Variants in SLC38A6 observed in about 807,000 individuals in gnomAD.
The protein encoded by SLC38A6 is solute carrier family 38 member 6, also known as N system amino acid transporter NAT-1.
In SLC38A6, 73 loss-of-function variants were observed where a neutral mutation model predicts 65.0. The ratio of observed to expected loss-of-function variants is 1.12; its 90% confidence interval spans 0.93 to 1.37. The LOEUF is 1.37. Ranked by LOEUF, SLC38A6 falls within the 40% of genes most tolerant of loss-of-function variation. SLC38A6 has a pLI of 0.00. For synonymous variants in SLC38A6, 183 were observed against 178.8 expected, an observed-to-expected ratio of 1.02 and a Z score of -0.19; for missense variants, 561 against 531.1, an observed-to-expected ratio of 1.06 and a Z score of -0.55.
chr14:61,011,889 T>A (rs1011534773), intron 3 of SLC38A6, among the ~76,000 whole-genome samples: 1 of 152,236 alleles, frequency 6.6e-6, no homozygotes, highest in Non-Finnish European at 1.5e-5. Context: ...AGGATAATGC[T>A]GGCCTCATAC....
intron 3 of SLC38A6, among the ~76,000 whole-genome samples, 171 bp downstream of exon 3, chr14:60,984,974 G>A (rs1478240187): frequency 6.6e-6 from 1 of 152,090 alleles, no homozygotes; most frequent in Non-Finnish European, 1.5e-5. Context: ...CAATACTGTG[G>A]GGGAATATCC....
intron 15 of SLC38A6, among the ~76,000 whole-genome samples, chr14:61,064,876 G>C (rs1222554941): frequency 1.3e-5 from 2 of 152,050 alleles, no homozygotes; most frequent in Non-Finnish European, 2.9e-5. Context: ...CGTATGTTGA[G>C]GGTGAATGTT....
chr14:61,077,661 C>A (rs1306417342), intron 15 of SLC38A6, among the ~76,000 whole-genome samples: 2 of 152,016 alleles, frequency 1.3e-5, no homozygotes, highest in African/African-American at 2.4e-5. Context: ...CAAATAAATT[C>A]TTTGCTTTCA....
intron 15 of SLC38A6, among the ~76,000 whole-genome samples, chr14:61,073,244 A>G (rs547257964): frequency 1.1e-4 from 16 of 152,294 alleles, no homozygotes; most frequent in East Asian, 5.8e-4. Context: ...ATTTTTTCCA[A>G]TGGAGTTGTT....
intron 3 of SLC38A6, chr14:60,987,164 T>C (rs1354440828): frequency 3.6e-6 from 1 of 281,646 alleles, no homozygotes; most frequent in South Asian, 3.2e-5. Flanking sequence ...GGAGGTAGGC[T>C]TTTCCTTTTT....
chr14:61,077,258 C>G (rs970237687), intron 15 of SLC38A6, among the ~76,000 whole-genome samples: 2 of 152,140 alleles, frequency 1.3e-5, no homozygotes, highest in African/African-American at 4.8e-5. Flanking sequence ...AATAACCAGT[C>G]TATATTCAAA....
intron 3 of SLC38A6, among the ~76,000 whole-genome samples, chr14:61,002,980 C>G (rs1433560938): frequency 6.6e-6 from 1 of 151,980 alleles, no homozygotes; most frequent in East Asian, 1.9e-4. Context: ...ATTTTTGTAT[C>G]TCTCAAAACA....
intron 2 of SLC38A6, 21 bp from the exon 3 acceptor site, chr14:60,984,709 A>G (rs2037323925): frequency 1.2e-6 from 2 of 1,613,102 alleles, no homozygotes; most frequent in Non-Finnish European, 1.7e-6. Flanking sequence ...GGTTTTGACC[A>G]GGTGTTCTTT....
intron 15 of SLC38A6, among the ~76,000 whole-genome samples, chr14:61,078,102 G>A (rs1039649449): frequency 1.3e-5 from 2 of 152,222 alleles, no homozygotes; most frequent in African/African-American, 2.4e-5. Flanking sequence ...ACCCTGAAGC[G>A]CAGGGTGTGG....
In SLC38A6 at chr14:61,023,592, T is replaced by TA. The variant is rs2040458404; in HGVS notation, c.403+4013dup. On this transcript the variant is annotated intron_variant, in intron 5 of 15. Transcript: ENST00000267488. ...AATAATAATAATAATAATAATAATATATATATATACACACACACACACACA... is the reference window on the plus strand; with the variant it reads ...AATAATAATAATAATAATAATAATATAATATATATACACACACACACACACA... Among the ~76,000 whole-genome samples the TA allele has an allele frequency of 6.8e-5, 10 of 146,758 alleles. No individual in the cohort carries two copies. The Admixed American group carries it at 6.9e-4, about 10-fold the overall frequency.
chr14:61,023,915 C>T (rs2040476937), intron 5 of SLC38A6, among the ~76,000 whole-genome samples: 1 of 151,864 alleles, frequency 6.6e-6, no homozygotes, highest in East Asian at 1.9e-4. Context: ...GTACTTAGCA[C>T]ATAGTATACA....
chr14:61,040,321 A>C (rs1594704297), intron 8 of SLC38A6, among the ~76,000 whole-genome samples: 1 of 148,578 alleles, frequency 6.7e-6, no homozygotes, highest in Non-Finnish European at 1.5e-5. Flanking sequence ...ACAGCTGCAT[A>C]CCACCACGCC....
chr14:61,014,212 C>T (rs1015931789), intron 3 of SLC38A6, among the ~76,000 whole-genome samples: 11 of 152,122 alleles, frequency 7.2e-5, no homozygotes, highest in South Asian at 2.1e-4. Flanking sequence ...ACGTAGTTCT[C>T]GTGCCGTGGT....
chr14:61,035,089 A>T lies in SLC38A6; in HGVS notation c.483-1970A>T, dbSNP rs536914717. 1.2e-3 allele frequency among the ~76,000 whole-genome samples: 179 copies of T among 152,296 alleles called. 1 individual carries two copies. Among genetic ancestry groups the T allele is most frequent in the African/African-American group, 4.1e-3 (172 of 41,588 alleles). On this transcript the variant is annotated intron_variant, in intron 6 of 15. Transcript: ENST00000267488. The stretch of plus-strand genomic sequence containing the variant: ...ATTGCAAAGTGGGAATTTTGAGATT[A>T]TCTACCAAACAATTTGAAAAAGTCC...
chr14:61,052,019 T>C, intron 14 of SLC38A6, 22 bp from the exon 15 acceptor site: 1 of 1,599,150 alleles, frequency 6.3e-7, no homozygotes, highest in South Asian at 1.1e-5. Context: ...TATCCTCTCT[T>C]TTTTTTCCCT....
intron 5 of SLC38A6, among the ~76,000 whole-genome samples, chr14:61,029,884 A>G (rs937889100): frequency 6.6e-6 from 1 of 152,156 alleles, no homozygotes; most frequent in Non-Finnish European, 1.5e-5. Flanking sequence ...TTCATTATGT[A>G]TTCTTTTTTA....
At chr14:61,032,680 C>T (rs1444582040) in intron 6 of SLC38A6, among the ~76,000 whole-genome samples, 1 of 151,590 alleles carries the variant, frequency 6.6e-6, no homozygotes, top group Non-Finnish European at 1.5e-5. Flanking sequence ...ATTATATTAA[C>T]TTACTTGAAT....
Position 61,019,616 on chromosome 14 carries a change from G to T in SLC38A6, c.403+36G>T. The T allele has an allele frequency of 1.9e-6, 3 of 1,595,836 alleles. No individual in the cohort carries two copies. The East Asian group carries it at 6.7e-5, about 36-fold the overall frequency. ...GCAAGTGCACTGTTTATACATAAATGTGATGGCAATAATGTCCTTTGAATT... is the reference window on the plus strand; with the variant it reads ...GCAAGTGCACTGTTTATACATAAATTTGATGGCAATAATGTCCTTTGAATT... On this transcript the variant is annotated intron_variant, in intron 5 of 15. Coordinates refer to ENST00000267488, the MANE Select transcript of SLC38A6 (RefSeq NM_153811.3).
At chr14:61,015,852 T>C in intron 3 of SLC38A6, 52 bp from the exon 4 acceptor site, 2 of 1,458,936 alleles carry the variant, frequency 1.4e-6, no homozygotes, top group Non-Finnish European at 1.9e-6. Context: ...CTTTAGGACC[T>C]GACACATAAA....
Sources: allele counts gnomAD v4.1 joint callset (sites outside exome capture counted in the v4.1 genomes callset), GRCh38; gene constraint gnomAD v4.1.1; transcripts MANE v1.5; gene names NCBI Gene and HGNC (gene_info 2026-07-23, HGNC 2026-07-21).